The following TTC7A variants were observed in gnomAD, a reference collection of about 807,000 sequenced individuals.
The protein encoded by TTC7A is tetratricopeptide repeat domain 7A.
A neutral mutation model predicts 103.7 loss-of-function variants in TTC7A; 110 were observed. The ratio of observed to expected loss-of-function variants is 1.06; its 90% CI spans 0.91 to 1.24. The LOEUF (loss-of-function observed/expected upper bound fraction) is 1.24. Ranked by LOEUF, TTC7A falls within the 50% of genes most tolerant of loss-of-function variation. TTC7A has a pLI of 0.00. For missense variants in TTC7A, 1,340 were observed against 1,116.3 expected (o/e 1.20, Z -2.86); for synonymous variants, 521 against 467.9 (o/e 1.11, Z -1.47).
chr2:46,989,374 A>C (rs530143356), intron 5 of TTC7A, among the ~76,000 whole-genome samples: 1 of 152,376 alleles, frequency 6.6e-6, no homozygotes, highest in African/African-American at 2.4e-5. Flanking sequence ...AGATCTTTCA[A>C]GCTGGCCTCT....
At chr2:47,020,518 G>C (rs1232135037) in intron 11 of TTC7A, among the ~76,000 whole-genome samples, 4 of 152,200 alleles carry the variant, frequency 2.6e-5, no homozygotes, top group East Asian at 3.9e-4. Flanking sequence ...CATCCTTCCA[G>C]TGGCCAGCCC....
intron 2 of TTC7A, among the ~76,000 whole-genome samples, chr2:46,954,566 CTTTTTTTTTTT>C (rs35548270): frequency 8.2e-6 from 1 of 121,332 alleles, no homozygotes; most frequent in Non-Finnish European, 1.7e-5. Flanking sequence ...AACTAAGAGC[CTTTTTTTTTTT>C]TTTTTTTTTG....
At chr2:47,052,313 C>A (rs974120555) in intron 18 of TTC7A, among the ~76,000 whole-genome samples, 1 of 152,170 alleles carries the variant, frequency 6.6e-6, no homozygotes, top group Non-Finnish European at 1.5e-5. Context: ...TAAGTGATAC[C>A]ATTGCCACCA....
rs1670418219 is a variant in TTC7A at position 46,941,772 on chromosome 2, G to T, written c.184+47G>T. ...CTCGCCGGCAGCGAGCGCGCGAAAC[G>T]CACCGCCTCCTCCAGGAAGCGCGCC... On this transcript the variant is annotated intron_variant, in intron 1 of 19. Coordinates refer to ENST00000319190, the MANE Select transcript of TTC7A (RefSeq NM_020458.4). The surrounding 1 kb of genome is among the most constrained non-coding windows in gnomAD (Gnocchi z 4.2). 7.8e-6 allele frequency: 12 copies of T among 1,545,382 alleles called. No individual in the cohort carries two copies. Among genetic ancestry groups the T allele is most frequent in the Non-Finnish European group, 1.0e-5 (12 of 1,144,712 alleles).
intron 2 of TTC7A, among the ~76,000 whole-genome samples, chr2:46,934,470 G>A (rs1339336696): frequency 6.6e-6 from 1 of 152,062 alleles, no homozygotes; most frequent in Non-Finnish European, 1.5e-5. Context: ...TGTTGGCCAG[G>A]CTGGTCTTGA....
intron 14 of TTC7A, 113 bp from the exon 15 acceptor site, chr2:47,029,111 G>A (rs1680228476): frequency 7.0e-6 from 9 of 1,287,520 alleles, no homozygotes; most frequent in Non-Finnish European, 9.8e-6. Flanking sequence ...TGCCCCCAGT[G>A]CCTGGGGCTC....
chr2:47,072,825 C>T lies in TTC7A; in HGVS notation c.2356-877C>T, dbSNP rs578170295. Reference sequence around the variant, plus strand: ...GCTGAAAGGGGGCCCTGCCCTCTCCCTCCACTCACTACCCTGTCCACCCTA... The same window carrying T: ...GCTGAAAGGGGGCCCTGCCCTCTCCTTCCACTCACTACCCTGTCCACCCTA... On this transcript the variant is annotated intron_variant, in intron 19 of 19. Transcript: ENST00000319190. Among the ~76,000 whole-genome samples the T allele has an allele frequency of 6.5e-3, 984 of 152,366 alleles. 9 individuals carry two copies. Among genetic ancestry groups the T allele is most frequent in the South Asian group, 0.025 (121 of 4,830 alleles).
chr2:47,061,717 C>G (rs922946783), intron 19 of TTC7A, among the ~76,000 whole-genome samples: 1 of 152,190 alleles, frequency 6.6e-6, no homozygotes, highest in East Asian at 1.9e-4. Flanking sequence ...ATCCTCTGGT[C>G]CAGGCAACAT....
At chr2:46,979,827 G>A (rs1382797392) in intron 5 of TTC7A, among the ~76,000 whole-genome samples, 4 of 152,184 alleles carry the variant, frequency 2.6e-5, no homozygotes, top group Non-Finnish European at 5.9e-5. Context: ...CTTCCTCTGC[G>A]TCATTACAAC....
At chr2:46,920,945 T>G (rs1322259981) in intron 2 of TTC7A, among the ~76,000 whole-genome samples, 4 of 150,966 alleles carry the variant, frequency 2.6e-5, no homozygotes, top group Non-Finnish European at 5.9e-5. Flanking sequence ...TAAAAAGGCA[T>G]CTGACAAAAT....
intron 8 of TTC7A, 85 bp from the exon 9 acceptor site, chr2:47,005,837 G>A: frequency 1.3e-6 from 2 of 1,503,236 alleles, no homozygotes; most frequent in South Asian, 2.3e-5. Context: ...GATAGCGGCT[G>A]GGCCAGCAAG....
At chr2:46,974,657 TA>T (rs773534015) in intron 3 of TTC7A, 9 of 476,662 alleles carry the variant, frequency 1.9e-5, no homozygotes, top group African/African-American at 5.9e-5. Flanking sequence ...TAAATTTTTT[TA>T]AAAAACCTCA....
At chr2:47,006,402 A>T (rs1572885778) in intron 9 of TTC7A, among the ~76,000 whole-genome samples, 1 of 152,224 alleles carries the variant, frequency 6.6e-6, no homozygotes, top group African/African-American at 2.4e-5. Context: ...ACCCTGTGAG[A>T]TCATTCACAT....
At chr2:47,002,792 G>A (rs914350713) in intron 8 of TTC7A, among the ~76,000 whole-genome samples, 1 of 151,960 alleles carries the variant, frequency 6.6e-6, no homozygotes, top group African/African-American at 2.4e-5. Flanking sequence ...GCACTGCCCA[G>A]CAACCACCAG....
At chr2:46,939,010 CAAA>C (rs1190579295), upstream of TTC7A, among the ~76,000 whole-genome samples, 6 of 77,014 alleles carry the variant, frequency 7.8e-5, no homozygotes, top group Admixed American at 1.5e-4. Context: ...GACTCTGTCT[CAAA>C]AAAAAAAAAA....
At chr2:46,943,948 G>A (rs377112613) in intron 1 of TTC7A, among the ~76,000 whole-genome samples, 2 of 152,158 alleles carry the variant, frequency 1.3e-5, no homozygotes, top group East Asian at 3.9e-4. Flanking sequence ...ATGAGCTGTG[G>A]GGACTCTTTC....
chr2:46,920,604 T>G (rs1418434360), intron 2 of TTC7A, among the ~76,000 whole-genome samples: 2 of 151,920 alleles, frequency 1.3e-5, no homozygotes, highest in African/African-American at 4.8e-5. Flanking sequence ...GTGCTGAGAT[T>G]ATAGGCATGA....
In TTC7A at chr2:47,050,019, T is replaced by G. The variant is rs768578663; in HGVS notation, c.1990T>G (p.Leu664Val). The G allele has an allele frequency of 1.9e-6, 3 of 1,613,972 alleles. No individual in the cohort carries two copies. In the East Asian group the frequency reaches 6.7e-5, roughly 36 times the overall value. Residue 664 changes from leucine to valine, a missense_variant, in exon 17 of 20, where the codon TTG (leucine) becomes GTG (valine). By Grantham distance (32) the Leu-to-Val change is conservative. Transcript: ENST00000319190. The part of the protein sequence containing the change: ...MKKQSGMHLT[L>V]PDAHDADSGS... Reference sequence around the variant, plus strand: ...GAAGCAGAGTGGCATGCACCTGACTTTGCCTGATGCCCATGATGCAGACTC... The same window carrying G: ...GAAGCAGAGTGGCATGCACCTGACTGTGCCTGATGCCCATGATGCAGACTC...
chr2:47,070,413 G>A (rs554789854), intron 19 of TTC7A, among the ~76,000 whole-genome samples: 1 of 152,378 alleles, frequency 6.6e-6, no homozygotes, highest in Admixed American at 6.5e-5. Context: ...GTGTGTGTGT[G>A]GGTGTCTCTG....
Sources: allele counts gnomAD v4.1 joint callset (sites outside exome capture counted in the v4.1 genomes callset), GRCh38; gene constraint gnomAD v4.1.1; non-coding constraint Gnocchi (gnomAD v3.1); transcripts MANE v1.5; gene names NCBI Gene and HGNC (gene_info 2026-07-23, HGNC 2026-07-21).